Variants in CA10 observed in about 807,000 individuals in gnomAD.
CA10 encodes the protein carbonic anhydrase 10 (inactive).
In CA10, 14 loss-of-function variants were observed where a neutral mutation model predicts 44.2. The ratio of observed to expected loss-of-function variants is 0.32; its 90% CI spans 0.21 to 0.50. The LOEUF is 0.50. CA10 is among the 20% of genes least tolerant of loss of function. The pLI is 0.99. For missense variants in CA10, 350 were observed against 409.7 expected, an observed-to-expected ratio of 0.85 and a Z score of 1.26; for synonymous variants, 159 against 141.6, an observed-to-expected ratio of 1.12 and a Z score of -0.87.
chr17:52,146,630 C>T lies in CA10; in HGVS notation c.61+11096G>A, dbSNP rs1399522531. 2.6e-5 allele frequency among the ~76,000 whole-genome samples: 4 copies of T among 151,892 alleles called. No individual in the cohort carries two copies. The East Asian group carries it at 7.8e-4, about 29-fold the overall frequency. On this transcript the variant is annotated intron_variant, in intron 1 of 8. Coordinates refer to ENST00000451037, the MANE Select transcript of CA10 (RefSeq NM_020178.5). Reference sequence around the variant, plus strand: ...GCGTGAACCCAGGAGGCGGAGCTTGCAGTGAGCCGAGATCCCACCGACAGA... The same window carrying T: ...GCGTGAACCCAGGAGGCGGAGCTTGTAGTGAGCCGAGATCCCACCGACAGA...
intron 2 of CA10, among the ~76,000 whole-genome samples, chr17:51,932,639 T>C (rs375347060): frequency 3.3e-5 from 5 of 152,280 alleles, no homozygotes; most frequent in African/African-American, 1.2e-4. Flanking sequence ...ATTGGCTTTT[T>C]AGTCATTAAT....
At chr17:51,728,295 T>TA (rs201754392) in intron 4 of CA10, among the ~76,000 whole-genome samples, 1 of 152,180 alleles carries the variant, frequency 6.6e-6, no homozygotes, top group African/African-American at 2.4e-5. Context: ...TTTTTTTTTT[T>TA]ATTGAAACTA....
intron 4 of CA10, among the ~76,000 whole-genome samples, chr17:51,689,955 T>TC (rs1915133521): frequency 6.6e-6 from 1 of 151,906 alleles, no homozygotes; most frequent in East Asian, 1.9e-4. Flanking sequence ...CTTACCGATT[T>TC]TTTTTTTTTT....
intron 4 of CA10, among the ~76,000 whole-genome samples, chr17:51,659,115 G>A (rs919065625): frequency 1.3e-5 from 2 of 152,188 alleles, no homozygotes; most frequent in South Asian, 4.1e-4. Flanking sequence ...GAAGATATTA[G>A]CATTTGAATC....
At chr17:51,755,321 CA>C (rs919398027) in intron 3 of CA10, among the ~76,000 whole-genome samples, 3 of 152,072 alleles carry the variant, frequency 2.0e-5, no homozygotes, top group African/African-American at 7.2e-5. Flanking sequence ...GACCAATTCA[CA>C]AAATACACAT....
chr17:51,782,802 G>A (rs1270936569), intron 3 of CA10, among the ~76,000 whole-genome samples: 1 of 152,150 alleles, frequency 6.6e-6, no homozygotes. Flanking sequence ...CTGAGTATGT[G>A]ATAGCAAATG....
chr17:51,672,250 G>A (rs1914456656), intron 4 of CA10, among the ~76,000 whole-genome samples: 1 of 152,150 alleles, frequency 6.6e-6, no homozygotes, highest in South Asian at 2.1e-4. Context: ...CCACCACCAC[G>A]ATGATGGCTC....
intron 1 of CA10, among the ~76,000 whole-genome samples, chr17:52,112,789 TG>T (rs1716431615): frequency 6.6e-6 from 1 of 152,246 alleles, no homozygotes; most frequent in Admixed American, 6.5e-5. Context: ...TACGCATTGT[TG>T]GCTCTCATGC....
intron 3 of CA10, among the ~76,000 whole-genome samples, chr17:51,772,224 CATA>C (rs1905638906): frequency 6.6e-6 from 1 of 152,136 alleles, no homozygotes; most frequent in South Asian, 2.1e-4. Context: ...GTACATAACA[CATA>C]ATAATTACTT....
Position 52,107,208 on chromosome 17 carries a change from G to A in CA10, c.62-34815C>T, listed in dbSNP as rs183503792. On this transcript the variant is annotated intron_variant, in intron 1 of 8. Coordinates refer to ENST00000451037, the MANE Select transcript of CA10 (RefSeq NM_020178.5). Reference sequence around the variant, plus strand: ...GTAGGGACTGCACCCCATGTTAGAAGCCAGGTGCCCTGCGATCGAGTCCTA... The same window carrying A: ...GTAGGGACTGCACCCCATGTTAGAAACCAGGTGCCCTGCGATCGAGTCCTA... Among the ~76,000 whole-genome samples the A allele has an allele frequency of 1.1e-3, 173 of 152,212 alleles. 2 individuals carry two copies. Among genetic ancestry groups the A allele is most frequent in the Non-Finnish European group, 3.4e-4 (23 of 68,008 alleles).
chr17:51,863,938 T>G (rs1019256295), intron 3 of CA10, among the ~76,000 whole-genome samples: 2 of 152,214 alleles, frequency 1.3e-5, no homozygotes, highest in Non-Finnish European at 2.9e-5. Context: ...GTCCACTGAT[T>G]GACTGAATCA....
chr17:51,742,470 G>C (rs1309543743), intron 4 of CA10, among the ~76,000 whole-genome samples: 1 of 152,102 alleles, frequency 6.6e-6, no homozygotes, highest in Non-Finnish European at 1.5e-5. Context: ...CACACTTCAG[G>C]ACAATTTGAT....
intron 2 of CA10, among the ~76,000 whole-genome samples, chr17:52,039,679 C>T (rs1986715858): frequency 6.6e-6 from 1 of 152,100 alleles, no homozygotes; most frequent in Non-Finnish European, 1.5e-5. Context: ...AAGTAATTGA[C>T]TCATTCACCC....
intron 4 of CA10, among the ~76,000 whole-genome samples, chr17:51,667,568 CAAAA>C (rs35051892): frequency 6.8e-6 from 1 of 146,080 alleles, no homozygotes; most frequent in African/African-American, 2.5e-5. Context: ...GCTGAGCAAG[CAAAA>C]AAAAAAAAAA....
intron 4 of CA10, among the ~76,000 whole-genome samples, chr17:51,745,743 A>G (rs1314293912): frequency 1.3e-5 from 2 of 152,252 alleles, no homozygotes; most frequent in African/African-American, 4.8e-5. Context: ...AAACATCTAC[A>G]TTTTATCAAT....
chr17:51,659,392 C>A (rs1040690122), intron 4 of CA10, among the ~76,000 whole-genome samples: 7 of 152,182 alleles, frequency 4.6e-5, no homozygotes, highest in Non-Finnish European at 1.0e-4. Flanking sequence ...AGCTTGCAGA[C>A]TGCACATTGT....
intron 3 of CA10, among the ~76,000 whole-genome samples, chr17:51,834,176 T>TA (rs1283116170): frequency 2.6e-5 from 4 of 152,202 alleles, no homozygotes; most frequent in African/African-American, 9.7e-5. Flanking sequence ...GAGCACAACT[T>TA]AATCAGCCTT....
chr17:51,959,797 G>GAAAAAAA (rs3062037), intron 2 of CA10, among the ~76,000 whole-genome samples: 1 of 112,374 alleles, frequency 8.9e-6, no homozygotes, highest in Non-Finnish European at 1.8e-5. Context: ...CTGCTAAGAT[G>GAAAAAAA]AAAAAAAAAA....
chr17:51,877,304 G>A (rs991742467), intron 3 of CA10, among the ~76,000 whole-genome samples: 8 of 152,158 alleles, frequency 5.3e-5, no homozygotes, highest in Admixed American at 5.2e-4. Context: ...TAAATCCACT[G>A]GTATTTTGAG....
Sources: gnomAD v4.1 joint callset for allele counts (sites outside exome capture counted in the v4.1 genomes callset) on GRCh38, gnomAD v4.1.1 for gene constraint, MANE v1.5 for transcripts, NCBI Gene and HGNC (gene_info 2026-07-23, HGNC 2026-07-21) for gene names.